SNX27: variants seen among roughly 807,000 people sequenced by gnomAD.
The protein encoded by SNX27 is sorting nexin-27.
Under a neutral mutation model 71.6 loss-of-function variants are expected in SNX27, and 22 were observed. The ratio of observed to expected loss-of-function variants is 0.31; its 90% CI spans 0.22 to 0.44. The LOEUF (loss-of-function observed/expected upper bound fraction) is 0.44. Among genes scored for constraint, SNX27 ranks in the 20% least tolerant of loss-of-function variants. SNX27 has a pLI of 1.00. For missense variants in SNX27, 531 were observed against 698.6 expected (o/e 0.76, Z 2.70); for synonymous variants, 269 against 277.2 (o/e 0.97, Z 0.29).
chr1:151,668,853 T>A (rs922092868), intron 7 of SNX27, among the ~76,000 whole-genome samples: 1 of 152,216 alleles, frequency 6.6e-6, no homozygotes, highest in African/African-American at 2.4e-5. Flanking sequence ...TTTTTAAATA[T>A]GTATTCTAAT....
intron 7 of SNX27, chr1:151,677,095 A>T (rs866516038): frequency 6.6e-6 from 1 of 152,014 alleles, no homozygotes; most frequent in Middle Eastern, 3.2e-3. Flanking sequence ...AAAAGTCTTG[A>T]TATTCTTTCC....
chr1:151,651,802 C>T (rs1269629724), intron 2 of SNX27, among the ~76,000 whole-genome samples: 5 of 151,908 alleles, frequency 3.3e-5, no homozygotes, highest in African/African-American at 4.8e-5. Context: ...GACGGGGTGG[C>T]GGCCGGGCAG....
rs193229679 is a variant in SNX27 at position 151,673,902 on chromosome 1, C to T, written c.1149+5267C>T. ...TTGTCATGGAGTATCTTTTTCCATC[C>T]GTTTATTTTCCATCTGTGTGTGTCT... On this transcript the variant is annotated intron_variant, in intron 7 of 11. Coordinates refer to ENST00000458013, the MANE Select transcript of SNX27 (RefSeq NM_001330723.2). Among the ~76,000 whole-genome samples, 21 of 151,960 alleles carry T rather than the reference C, an allele frequency of 1.4e-4. No individual in the cohort carries two copies. In the East Asian group the frequency reaches 2.3e-3, roughly 17 times the overall value.
intron 1 of SNX27, among the ~76,000 whole-genome samples, chr1:151,620,281 C>T (rs535946341): frequency 4.6e-5 from 7 of 152,260 alleles, no homozygotes; most frequent in Admixed American, 3.3e-4. Flanking sequence ...GCTGTGTGTG[C>T]ATTAATACCC....
chr1:151,693,710 G>GT (rs1013479047), intron 11 of SNX27: 2 of 1,606,938 alleles, frequency 1.2e-6, no homozygotes, highest in African/African-American at 2.7e-5. Context: ...TGTCTAGAGG[G>GT]TGGACATTGG....
At chr1:151,629,978 G>T (rs1158076338) in intron 1 of SNX27, among the ~76,000 whole-genome samples, 2 of 147,726 alleles carry the variant, frequency 1.4e-5, no homozygotes, top group Non-Finnish European at 3.0e-5. Flanking sequence ...GGGCGTGGTG[G>T]CCTGCACCTG....
intron 1 of SNX27, among the ~76,000 whole-genome samples, chr1:151,626,475 G>C (rs1667948201): frequency 6.6e-6 from 1 of 152,124 alleles, no homozygotes; most frequent in Admixed American, 6.6e-5. Context: ...AGAGAATACT[G>C]TTTTATCATG....
intron 6 of SNX27, chr1:151,666,738 C>T (rs1670204149): frequency 6.6e-6 from 1 of 152,176 alleles, no homozygotes; most frequent in African/African-American, 2.4e-5. Flanking sequence ...TTTAGGTTGC[C>T]TTGCTATCTC....
intron 2 of SNX27, among the ~76,000 whole-genome samples, chr1:151,657,079 G>A (rs1467209759): frequency 6.6e-6 from 1 of 152,178 alleles, no homozygotes; most frequent in Non-Finnish European, 1.5e-5. Context: ...AGACTATATG[G>A]TGTAAAGTAA....
At chr1:151,626,496 G>A (rs569413417) in intron 1 of SNX27, among the ~76,000 whole-genome samples, 7 of 152,112 alleles carry the variant, frequency 4.6e-5, no homozygotes, top group Non-Finnish European at 1.0e-4. Flanking sequence ...AGATTCAAGA[G>A]ATCAAGACCA....
chr1:151,668,239 G>A (rs1310083187), intron 6 of SNX27, among the ~76,000 whole-genome samples: 2 of 152,152 alleles, frequency 1.3e-5, no homozygotes, highest in Admixed American at 1.3e-4. Flanking sequence ...TGTCATTCAA[G>A]TGATAGGTTT....
intron 8 of SNX27, among the ~76,000 whole-genome samples, chr1:151,687,087 T>C (rs968317256): frequency 1.3e-5 from 2 of 152,214 alleles, no homozygotes; most frequent in African/African-American, 4.8e-5. Flanking sequence ...TGGTTGAGAA[T>C]ATAATATACA....
intron 3 of SNX27, among the ~76,000 whole-genome samples, chr1:151,659,377 A>G (rs1669853882): frequency 6.6e-6 from 1 of 152,168 alleles, no homozygotes; most frequent in African/African-American, 2.4e-5. Flanking sequence ...CCTCCCGAGT[A>G]GCTGGGACTA....
chr1:151,675,844 T>TTTTTTTC (rs1670672699), intron 7 of SNX27: 2 of 117,534 alleles, frequency 1.7e-5, no homozygotes, highest in African/African-American at 6.5e-5. Context: ...TTTTTTTTTT[T>TTTTTTTC]TATATAGGCT....
At chr1:151,654,294 T>C (rs180836988) in intron 2 of SNX27, among the ~76,000 whole-genome samples, 78 of 152,332 alleles carry the variant, frequency 5.1e-4, no homozygotes, top group Admixed American at 4.1e-3. Context: ...AGATGTTGTG[T>C]AGTTCACCCT....
rs1225201475 is a variant in SNX27, at chr1:151,612,412, A to G, written c.211A>G (p.Asn71Asp). The change falls in exon 1 of 12, where the codon AAC becomes GAC. Residue 71 changes from asparagine to aspartate, a missense_variant. By Grantham distance (23) the Asn-to-Asp change is conservative. Coordinates refer to ENST00000458013, the MANE Select transcript of SNX27 (RefSeq NM_001330723.2). This position sits in a 1 kb window ranked among gnomAD's most constrained non-coding sequence, Gnocchi z 5.2. ...CGAGGGCGGGCAACTGCGGAGCATC[A>G]ACGGGGAGCTGTACGCGCCGCTGCA... ...VSEGGQLRSINGELYAPLQHV... is the reference protein window; with the variant it reads ...VSEGGQLRSIDGELYAPLQHV... 14 of 1,512,044 alleles carry G rather than the reference A, an allele frequency of 9.3e-6. No individual in the cohort carries two copies. The highest frequency in any genetic ancestry group is 2.9e-5 in the African/African-American group (2 of 69,414). The allele number at this position is 1,512,044 out of a possible 1,614,324, so 93.7% of individuals were successfully genotyped here. A position where few individuals can be genotyped will look rare whatever the true frequency, so the allele number is the denominator to read the frequency against.
At chr1:151,641,627 A>ATATATATATATC (rs1254918416) in intron 2 of SNX27, among the ~76,000 whole-genome samples, 2 of 120,966 alleles carry the variant, frequency 1.7e-5, no homozygotes, top group East Asian at 2.6e-4. Context: ...ATATATATAT[A>ATATATATATATC]TATCATATGT....
At chr1:151,617,204 A>G (rs1667460322) in intron 1 of SNX27, among the ~76,000 whole-genome samples, 3 of 152,180 alleles carry the variant, frequency 2.0e-5, no homozygotes, top group Admixed American at 6.5e-5. Flanking sequence ...AGTTAATATT[A>G]ATAGTTATAA....
At chr1:151,650,786 A>G (rs2102657456) in intron 2 of SNX27, among the ~76,000 whole-genome samples, 2 of 151,764 alleles carry the variant, frequency 1.3e-5, no homozygotes, top group Middle Eastern at 6.9e-3. Context: ...ACTTGAGATT[A>G]GGGAGTGGTG....
Sources: gnomAD v4.1 joint callset for allele counts (sites outside exome capture counted in the v4.1 genomes callset) on GRCh38, gnomAD v4.1.1 for gene constraint, Gnocchi (gnomAD v3.1) non-coding constraint, MANE v1.5 for transcripts, NCBI Gene and HGNC (gene_info 2026-07-23, HGNC 2026-07-21) for gene names.